EFHC2: variants seen among roughly 807,000 people sequenced by gnomAD.
The protein encoded by EFHC2 is EF-hand domain containing 2.
A neutral mutation model predicts 52.7 loss-of-function variants in EFHC2; 18 were observed. The ratio of observed to expected loss-of-function variants is 0.34; its 90% CI spans 0.24 to 0.51. The LOEUF (loss-of-function observed/expected upper bound fraction) is 0.51, where lower values mean the gene tolerates loss of function less well. EFHC2 is among the 20% of genes least tolerant of loss of function. The pLI, the probability that EFHC2 is intolerant of heterozygous loss-of-function variation, is 0.97. For missense variants in EFHC2, 513 were observed against 562.5 expected (o/e 0.91, Z 0.89); for synonymous variants, 203 against 204.1 (o/e 0.99, Z 0.04).
At chrX:44,256,777 C>T (rs1411208320) in intron 4 of EFHC2, among the ~76,000 whole-genome samples, 2 of 111,450 alleles carry the variant, frequency 1.8e-5, no homozygotes, top group African/African-American at 6.6e-5. Context: ...TCCTCCCTAA[C>T]TCATTTTATG....
intron 11 of EFHC2, among the ~76,000 whole-genome samples, chrX:44,223,861 A>G (rs777719264): frequency 6.3e-5 from 7 of 111,659 alleles, no homozygotes; most frequent in Non-Finnish European, 1.1e-4. Context: ...GGCTTCCTTA[A>G]AAGATGCTAG....
chrX:44,300,907 G>A (rs758776770), intron 2 of EFHC2, among the ~76,000 whole-genome samples: 11 of 109,174 alleles, frequency 1.0e-4, no homozygotes, highest in Non-Finnish European at 1.5e-4. Flanking sequence ...TCAGGAGATC[G>A]AGACCATCCT....
At chrX:44,284,899 C>T (rs1369730242) in intron 2 of EFHC2, 3 of 112,100 alleles carry the variant, frequency 2.7e-5, no homozygotes, top group Admixed American at 9.5e-5. Context: ...CAATTGAGCG[C>T]CCCTCTTCAG....
intron 11 of EFHC2, among the ~76,000 whole-genome samples, chrX:44,203,516 T>C (rs1432891274): frequency 9.0e-6 from 1 of 110,749 alleles, no homozygotes; most frequent in East Asian, 2.9e-4. Context: ...GAGAGTGACA[T>C]GATAAGAAAA....
intron 2 of EFHC2, chrX:44,309,306 C>T (rs1356429628): frequency 2.9e-6 from 2 of 687,424 alleles, no homozygotes; most frequent in African/African-American, 4.3e-5. Flanking sequence ...GGCACATCTT[C>T]AGTTCATTTA....
Position 44,148,635 on chromosome X carries a change from T to C in EFHC2, c.*160A>G. The C allele has an allele frequency of 2.2e-6, 1 of 458,967 alleles. No individual in the cohort carries two copies. Among genetic ancestry groups the C allele is most frequent in the Non-Finnish European group, 3.6e-6 (1 of 275,102 alleles). 37.8% of individuals were successfully genotyped at this position (458,967 alleles called of 1,213,427 possible). On this transcript the variant is annotated 3_prime_UTR_variant, in exon 15 of 15. Coordinates refer to ENST00000420999, the MANE Select transcript of EFHC2 (RefSeq NM_025184.4). ...ACGTCGGCAATGTAACATGATGTTC[T>C]GTAAAACTAACATGACAAAATAGGA...
chrX:44,215,388 G>GA (rs748480405), intron 11 of EFHC2, among the ~76,000 whole-genome samples: 3 of 109,831 alleles, frequency 2.7e-5, no homozygotes, highest in Non-Finnish European at 5.7e-5. Context: ...AATATCTAGG[G>GA]AAAAATCTAA....
chrX:44,248,917 C>G lies in EFHC2; in HGVS notation c.859-1G>C. ...GTTGATAGACTCTAGGTGGGCAATT[C>G]TGGAAGACAAAATCAAAACAAGATG... On this transcript the variant is annotated splice_acceptor_variant, in intron 5 of 14. Transcript: ENST00000420999. LOFTEE classifies it high-confidence loss of function. 4.3e-6 allele frequency: 5 copies of G among 1,172,392 alleles called. No individual in the cohort carries two copies. The highest frequency in any genetic ancestry group is 4.6e-6 in the Non-Finnish European group (4 of 868,445).
chrX:44,175,650 T>C (rs2036780525), intron 13 of EFHC2, among the ~76,000 whole-genome samples: 1 of 111,481 alleles, frequency 9.0e-6, no homozygotes, highest in Non-Finnish European at 1.9e-5. Flanking sequence ...TCCAAAACAA[T>C]GATCACAATG....
intron 1 of EFHC2, among the ~76,000 whole-genome samples, chrX:44,314,637 C>T (rs1432487280): frequency 9.0e-6 from 1 of 111,524 alleles, no homozygotes; most frequent in Non-Finnish European, 1.9e-5. Context: ...CACACACACA[C>T]ACTTGCTCAC....
intron 6 of EFHC2, 150 bp from the exon 7 acceptor site, chrX:44,248,560 G>A (rs2037417877): frequency 4.3e-6 from 3 of 705,196 alleles, no homozygotes; most frequent in Non-Finnish European, 6.2e-6. Flanking sequence ...ACCAGTTGAT[G>A]TTAATATTCT....
intron 3 of EFHC2, among the ~76,000 whole-genome samples, chrX:44,268,507 G>A (rs953560137): frequency 9.0e-6 from 1 of 111,315 alleles, no homozygotes; most frequent in African/African-American, 3.3e-5. Flanking sequence ...CACTAACCCA[G>A]GCCTGGGGTG....
At chrX:44,157,966 C>T (rs956492219) in intron 14 of EFHC2, among the ~76,000 whole-genome samples, 17 of 111,372 alleles carry the variant, frequency 1.5e-4, no homozygotes, top group African/African-American at 5.6e-4. Flanking sequence ...GATTCCCCAT[C>T]ACTATGCTCA....
At chrX:44,290,126 A>G (rs1268069652) in intron 2 of EFHC2, among the ~76,000 whole-genome samples, 2 of 111,855 alleles carry the variant, frequency 1.8e-5, no homozygotes, top group Non-Finnish European at 3.8e-5. Flanking sequence ...CCTCTGTCCA[A>G]CCTGCCATCA....
chrX:44,197,690 G>T (rs1005235584), intron 11 of EFHC2, among the ~76,000 whole-genome samples: 1 of 112,204 alleles, frequency 8.9e-6, no homozygotes, highest in African/African-American at 3.2e-5. Context: ...AATGAAGAAA[G>T]AATAAACTTA....
At chrX:44,194,602 C>A (rs2036947341) in intron 11 of EFHC2, among the ~76,000 whole-genome samples, 2 of 111,649 alleles carry the variant, frequency 1.8e-5, no homozygotes, top group Non-Finnish European at 3.8e-5. Flanking sequence ...TTAGGTGGCT[C>A]TAAATCAAAA....
chrX:44,178,969 T>C lies in EFHC2; in HGVS notation c.1752-405A>G, dbSNP rs189650647. ...TTTCTGGTTTCCTGGGACATAAAAT[T>C]TGTAAGTTAATAAATTAGAAAGGTG... On this transcript the variant is annotated intron_variant, in intron 11 of 14. Transcript: ENST00000420999. Among the ~76,000 whole-genome samples, 75 of 111,585 alleles carry C rather than the reference T, an allele frequency of 6.7e-4. No homozygotes were observed. The East Asian group carries it at 0.016, about 24-fold the overall frequency.
At chrX:44,268,661 C>T (rs966357754) in intron 3 of EFHC2, among the ~76,000 whole-genome samples, 10 of 111,372 alleles carry the variant, frequency 9.0e-5, no homozygotes, top group African/African-American at 3.3e-4. Flanking sequence ...TTTGCCACAG[C>T]AATACTATTA....
At chrX:44,188,197 TG>T (rs1001519850) in intron 11 of EFHC2, among the ~76,000 whole-genome samples, 1 of 108,545 alleles carries the variant, frequency 9.2e-6, no homozygotes, top group African/African-American at 3.4e-5. Flanking sequence ...TTGCCCAGGC[TG>T]GTTTCAAACT....
Sources: gnomAD v4.1 joint callset for allele counts (sites outside exome capture counted in the v4.1 genomes callset) on GRCh38, gnomAD v4.1.1 for gene constraint, MANE v1.5 for transcripts, NCBI Gene and HGNC (gene_info 2026-07-23, HGNC 2026-07-21) for gene names.